RGS6: variants seen among roughly 807,000 people sequenced by gnomAD.
RGS6 encodes regulator of G protein signaling 6.
A neutral mutation model predicts 78.5 loss-of-function variants in RGS6; 30 were observed. That is an observed-to-expected ratio of 0.38 (90% CI 0.29 to 0.52). The LOEUF is 0.52. Among genes scored for constraint, RGS6 ranks in the 20% least tolerant of loss-of-function variants. RGS6 has a pLI of 0.85. For synonymous variants in RGS6, 206 were observed against 206.0 expected (o/e 1.00, Z 0.00); for missense variants, 495 against 609.7 (o/e 0.81, Z 1.98).
rs575079944 is a variant in RGS6, at chr14:72,497,372, G to A, written c.965+2110G>A. 1.4e-4 allele frequency among the ~76,000 whole-genome samples: 22 copies of A among 152,202 alleles called. No individual in the cohort carries two copies. The South Asian group carries it at 1.5e-3, about 10-fold the overall frequency. ...TTTATTAGACAGATTCTAGCAATAT[G>A]TTTTGCTTTGGATATTTGGATATAA... On this transcript the variant is annotated intron_variant, in intron 13 of 17. Coordinates refer to ENST00000553525, the MANE Select transcript of RGS6 (RefSeq NM_001204424.2).
At chr14:72,572,094 T>C in the RGS6 span, among the ~76,000 whole-genome samples, 1 of 152,046 alleles carries the variant, frequency 6.6e-6, no homozygotes. Flanking sequence ...GCAAATAAAT[T>C]CCATGATGAG....
chr14:72,454,606 C>G (rs2095581639), intron 4 of RGS6, 28 bp downstream of exon 4: 2 of 1,604,322 alleles, frequency 1.2e-6, no homozygotes, highest in East Asian at 2.2e-5. Context: ...CCACCCTTAT[C>G]TCCCCTGGTA....
At chr14:72,032,585 T>G (rs1273115223) in intron 2 of RGS6, among the ~76,000 whole-genome samples, 2 of 152,142 alleles carry the variant, frequency 1.3e-5, no homozygotes, top group Non-Finnish European at 2.9e-5. Context: ...CTGAAACTCT[T>G]TAACCATTGA....
At chr14:71,937,534 T>C (rs2089686100) in intron 1 of RGS6, among the ~76,000 whole-genome samples, 1 of 152,218 alleles carries the variant, frequency 6.6e-6, no homozygotes, top group African/African-American at 2.4e-5. Context: ...GGCATTGTAA[T>C]TGTGACTTCG....
At chr14:72,470,114 G>A (rs1000626209) in intron 8 of RGS6, 31 bp downstream of exon 8, 6 of 1,500,082 alleles carry the variant, frequency 4.0e-6, no homozygotes, top group Non-Finnish European at 5.6e-6. Context: ...CCTTTTCAGA[G>A]AGGAAAAGAC....
intron 2 of RGS6, among the ~76,000 whole-genome samples, chr14:72,170,560 G>A (rs1002351112): frequency 2.7e-4 from 41 of 152,200 alleles, no homozygotes; most frequent in African/African-American, 8.2e-4. Context: ...AAGCATGTAC[G>A]TTTTCATCTC....
At chr14:72,139,478 C>T (rs1043407616) in intron 2 of RGS6, among the ~76,000 whole-genome samples, 8 of 152,078 alleles carry the variant, frequency 5.3e-5, no homozygotes, top group Non-Finnish European at 8.8e-5. Flanking sequence ...CCATATGAAT[C>T]GCTATTATTT....
intron 13 of RGS6, among the ~76,000 whole-genome samples, chr14:72,498,101 G>T (rs754246865): frequency 6.6e-6 from 1 of 152,136 alleles, no homozygotes. Context: ...TGAGTGTTGG[G>T]AGAGTGGTTG....
chr14:72,508,562 C>CTTTTTTT lies in RGS6; in HGVS notation c.966-1567_966-1561dup, dbSNP rs61097187. ...CCAAGCTTTCCACGCACACAAGCTC[C>CTTTTTTT]TTTTTTTTTTTTTTTTTTTTTTTTT... On this transcript the variant is annotated intron_variant, in intron 13 of 17. Transcript: ENST00000553525. Among the ~76,000 whole-genome samples the CTTTTTTT allele has an allele frequency of 3.1e-3, 177 of 56,470 alleles. 5 individuals are homozygous for CTTTTTTT. Among genetic ancestry groups the CTTTTTTT allele is most frequent in the South Asian group, 6.9e-3 (7 of 1,010 alleles). 37.0% of individuals were successfully genotyped at this position (56,470 alleles called of 152,430 possible).
intron 3 of RGS6, among the ~76,000 whole-genome samples, chr14:72,387,368 C>T (rs1157745754): frequency 6.6e-6 from 1 of 152,004 alleles, no homozygotes; most frequent in Admixed American, 6.5e-5. Flanking sequence ...GCTAACACAG[C>T]AAAACCCCAT....
chr14:71,991,021 T>C (rs2094933588), intron 2 of RGS6: 1 of 359,260 alleles, frequency 2.8e-6, no homozygotes, highest in East Asian at 7.4e-5. Context: ...TCCAATGCCA[T>C]GTAAAAAAAG....
intron 2 of RGS6, among the ~76,000 whole-genome samples, chr14:72,327,920 GAT>G (rs10656485): frequency 1.3e-5 from 2 of 151,718 alleles, no homozygotes; most frequent in Admixed American, 6.6e-5. Context: ...TAGATATATA[GAT>G]ATATATATAT....
chr14:71,888,200 G>A, the RGS6 span, among the ~76,000 whole-genome samples: 20 of 152,160 alleles, frequency 1.3e-4, no homozygotes, highest in Middle Eastern at 3.4e-3. Context: ...CTGAGATCGC[G>A]CCACTGCACT....
chr14:72,448,505 A>G (rs1306400306), intron 3 of RGS6, among the ~76,000 whole-genome samples: 2 of 137,692 alleles, frequency 1.5e-5, no homozygotes, highest in African/African-American at 2.5e-5. Context: ...CAATTAAGGC[A>G]TAAAAGAAAA....
intron 2 of RGS6, among the ~76,000 whole-genome samples, chr14:72,036,130 A>G (rs1238531263): frequency 1.3e-5 from 2 of 151,900 alleles, no homozygotes; most frequent in Non-Finnish European, 2.9e-5. Context: ...ACCGTATATA[A>G]TCTTTTGAGA....
At chr14:72,185,447 G>A (rs1272551109) in intron 2 of RGS6, among the ~76,000 whole-genome samples, 1 of 152,066 alleles carries the variant, frequency 6.6e-6, no homozygotes, top group African/African-American at 2.4e-5. Context: ...TACCCTCATA[G>A]AAAACTCTTG....
At chr14:72,037,357 A>G (rs772385698) in intron 2 of RGS6, among the ~76,000 whole-genome samples, 1 of 152,192 alleles carries the variant, frequency 6.6e-6, no homozygotes, top group Non-Finnish European at 1.5e-5. Flanking sequence ...ACCACCTTTA[A>G]GAGCTGTAAC....
chr14:71,922,311 A>C, the RGS6 span, among the ~76,000 whole-genome samples: 704 of 152,284 alleles, frequency 4.6e-3, 6 homozygotes, highest in African/African-American at 0.016. Context: ...TTTTTCCTCT[A>C]TCAGTGTAAC....
chr14:71,990,891 A>C (rs1266901521), intron 2 of RGS6: 2 of 455,482 alleles, frequency 4.4e-6, no homozygotes, highest in Non-Finnish European at 8.8e-6. Context: ...TCTGAGCTTC[A>C]GTGCTTGGTG....
Sources: gnomAD v4.1 joint callset for allele counts (sites outside exome capture counted in the v4.1 genomes callset) on GRCh38, gnomAD v4.1.1 for gene constraint, MANE v1.5 for transcripts, NCBI Gene and HGNC (gene_info 2026-07-23, HGNC 2026-07-21) for gene names.